Variants in STX8 observed in about 807,000 individuals in gnomAD.
The protein encoded by STX8 is syntaxin-8.
A neutral mutation model predicts 37.5 loss-of-function variants in STX8; 23 were observed. That is an observed-to-expected ratio of 0.61 (90% CI 0.44 to 0.87). STX8 has a LOEUF of 0.87. STX8 is among the 40% of genes least tolerant of loss of function. The pLI is 0.00. For missense variants in STX8, 313 were observed against 284.7 expected, an observed-to-expected ratio of 1.10 and a Z score of -0.71; for synonymous variants, 115 against 99.1, an observed-to-expected ratio of 1.16 and a Z score of -0.95.
intron 6 of STX8, among the ~76,000 whole-genome samples, chr17:9,437,630 T>C (rs1193458908): frequency 1.3e-5 from 2 of 152,248 alleles, no homozygotes; most frequent in East Asian, 3.8e-4. Flanking sequence ...TTATTCCTGG[T>C]ACAAACGTAA....
At chr17:9,330,150 T>C (rs563750285) in intron 7 of STX8, among the ~76,000 whole-genome samples, 1 of 152,324 alleles carries the variant, frequency 6.6e-6, no homozygotes, top group Admixed American at 6.5e-5. Context: ...GTGAGTAAAG[T>C]ACTCATACCC....
chr17:9,387,583 A>G (rs537399679), intron 6 of STX8, among the ~76,000 whole-genome samples: 3 of 152,184 alleles, frequency 2.0e-5, no homozygotes, highest in Non-Finnish European at 2.9e-5. Context: ...GTGAGCCACC[A>G]CGCCTGGCCA....
chr17:9,350,017 C>A (rs1034714931), intron 7 of STX8, among the ~76,000 whole-genome samples: 1 of 152,260 alleles, frequency 6.6e-6, no homozygotes, highest in South Asian at 2.1e-4. Flanking sequence ...GGATTACAGG[C>A]GTGATTGTCC....
chr17:9,510,694 T>C (rs776847027), intron 4 of STX8, among the ~76,000 whole-genome samples: 16 of 151,572 alleles, frequency 1.1e-4, no homozygotes, highest in Non-Finnish European at 2.4e-4. Flanking sequence ...ACCCTAACAA[T>C]GTATCTCAAG....
intron 7 of STX8, among the ~76,000 whole-genome samples, chr17:9,280,798 T>G (rs963764918): frequency 7.9e-5 from 12 of 152,168 alleles, no homozygotes; most frequent in African/African-American, 2.9e-4. Flanking sequence ...ACCTGCCAAA[T>G]TACTGTGAGG....
chr17:9,305,909 T>C (rs1908968493), intron 7 of STX8, among the ~76,000 whole-genome samples: 1 of 151,750 alleles, frequency 6.6e-6, no homozygotes, highest in Admixed American at 6.6e-5. Context: ...CATTCCCGGC[T>C]AATTTTTGTA....
At chr17:9,376,728 G>A (rs767124495) in intron 7 of STX8, among the ~76,000 whole-genome samples, 13 of 152,196 alleles carry the variant, frequency 8.5e-5, no homozygotes, top group Non-Finnish European at 1.3e-4. Context: ...CCACCGGAAG[G>A]AAGAAATTCC....
chr17:9,278,314 A>G (rs2108943), intron 7 of STX8, among the ~76,000 whole-genome samples: 149,731 of 152,320 alleles, frequency 0.98, 73,611 homozygotes, highest in East Asian at 1. Context: ...CGGGCACGGC[A>G]GCACATGCCT....
Position 9,342,461 on chromosome 17 carries a change from G to A in STX8, c.643+36091C>T, listed in dbSNP as rs977372060. On this transcript the variant is annotated intron_variant, in intron 7 of 7. Transcript: ENST00000306357. ...AAAATGCAAAGGGAGAGCCCTAAGC[G>A]TGCAAGACATGCTATGGCCTGAGGG... Among the ~76,000 whole-genome samples the A allele has an allele frequency of 3.3e-5, 5 of 152,262 alleles. No homozygotes were observed. In the East Asian group the frequency reaches 5.8e-4, roughly 18 times the overall value.
intron 6 of STX8, among the ~76,000 whole-genome samples, chr17:9,472,027 A>T (rs1440366504): frequency 2.7e-5 from 4 of 148,104 alleles, no homozygotes; most frequent in Non-Finnish European, 6.1e-5. Flanking sequence ...CCCCACACAG[A>T]TCATAATATT....
intron 4 of STX8, 137 bp from the exon 5 acceptor site, chr17:9,505,299 T>G: frequency 1.0e-6 from 1 of 963,340 alleles, no homozygotes; most frequent in Non-Finnish European, 1.5e-6. Context: ...ATCATTAGTT[T>G]ATGCCAGGAA....
chr17:9,484,269 A>G (rs1036476057), intron 6 of STX8, among the ~76,000 whole-genome samples: 19 of 152,062 alleles, frequency 1.2e-4, no homozygotes, highest in African/African-American at 3.9e-4. Context: ...GAGAATACAG[A>G]CAAGTAAATG....
chr17:9,465,126 C>T (rs2142427389), intron 6 of STX8, among the ~76,000 whole-genome samples: 1 of 152,030 alleles, frequency 6.6e-6, no homozygotes, highest in South Asian at 2.1e-4. Flanking sequence ...CCTAAGTCAT[C>T]TAATTTTCCC....
At chr17:9,259,857 C>T (rs62070014) in intron 7 of STX8, among the ~76,000 whole-genome samples, 43,857 of 151,922 alleles carry the variant, frequency 0.29, 6,770 homozygotes, top group Admixed American at 0.37. Context: ...AACCCAGGGG[C>T]CCCTAGGGGA....
intron 7 of STX8, among the ~76,000 whole-genome samples, chr17:9,304,265 T>C (rs1285374602): frequency 2.0e-5 from 3 of 151,970 alleles, no homozygotes; most frequent in African/African-American, 7.2e-5. Flanking sequence ...ATCCCAGCAC[T>C]TTGGGAGGCC....
At chr17:9,381,775 C>A (rs1042364526) in intron 6 of STX8, among the ~76,000 whole-genome samples, 1 of 152,164 alleles carries the variant, frequency 6.6e-6, no homozygotes, top group African/African-American at 2.4e-5. Context: ...TTGAGACCAG[C>A]CTGGCCAACA....
At chr17:9,572,064 A>G (rs912313140) in intron 1 of STX8, among the ~76,000 whole-genome samples, 1 of 152,212 alleles carries the variant, frequency 6.6e-6, no homozygotes, top group African/African-American at 2.4e-5. Context: ...AAAGTTTTTA[A>G]AAAGCAATTC....
At position 9,480,880 on chromosome 17, in the gene STX8, T is replaced by A. The variant is rs551161604; in HGVS notation, c.541+10949A>T. On this transcript the variant is annotated intron_variant, in intron 6 of 7. Transcript: ENST00000306357. ...GTGTTAGGTTCCTATGCCAATTTCTTTCTTTCTTTCTTTCTTTTTTTTGAG... is the reference window on the plus strand; with the variant it reads ...GTGTTAGGTTCCTATGCCAATTTCTATCTTTCTTTCTTTCTTTTTTTTGAG... Among the ~76,000 whole-genome samples, 7 of 151,464 alleles carry A rather than the reference T, an allele frequency of 4.6e-5. No homozygotes were observed. In the South Asian group the frequency reaches 1.5e-3, roughly 31 times the overall value.
intron 7 of STX8, among the ~76,000 whole-genome samples, chr17:9,317,507 T>C (rs1909421759): frequency 6.6e-6 from 1 of 152,156 alleles, no homozygotes; most frequent in Non-Finnish European, 1.5e-5. Context: ...GGCTCACGCC[T>C]GGAATCCCAG....
Sources: gnomAD v4.1 joint callset for allele counts (sites outside exome capture counted in the v4.1 genomes callset) on GRCh38, gnomAD v4.1.1 for gene constraint, MANE v1.5 for transcripts, NCBI Gene and HGNC (gene_info 2026-07-23, HGNC 2026-07-21) for gene names.